Variants in PLEKHH1 observed in about 807,000 individuals in gnomAD.
PLEKHH1 encodes the protein pleckstrin homology domain-containing family H member 1.
In PLEKHH1, 104 loss-of-function variants were observed where a neutral mutation model predicts 160.0. That is an observed-to-expected ratio of 0.65 (90% CI 0.55 to 0.76). PLEKHH1 has a LOEUF of 0.76. Among genes scored for constraint, PLEKHH1 ranks in the 30% least tolerant of loss-of-function variants. PLEKHH1 has a pLI of 0.00. For missense variants in PLEKHH1, 1,427 were observed against 1,724.1 expected, an observed-to-expected ratio of 0.83 and a Z score of 3.05; for synonymous variants, 619 against 678.4, an observed-to-expected ratio of 0.91 and a Z score of 1.36.
intron 1 of PLEKHH1, among the ~76,000 whole-genome samples, chr14:67,536,404 T>TA (rs1398279312): frequency 6.6e-6 from 1 of 151,826 alleles, no homozygotes; most frequent in African/African-American, 2.4e-5. Context: ...AAGATGGTGG[T>TA]AGCCCCTCAC....
At chr14:67,560,978 G>A (rs4902487) in intron 5 of PLEKHH1, among the ~76,000 whole-genome samples, 41,897 of 152,004 alleles carry the variant, frequency 0.28, 5,838 homozygotes, top group Non-Finnish European at 0.3. Context: ...TGATCTGCCC[G>A]CCTCAGCCTC....
At chr14:67,575,117 C>G (rs1332855564) in intron 14 of PLEKHH1, among the ~76,000 whole-genome samples, 1 of 152,170 alleles carries the variant, frequency 6.6e-6, no homozygotes, top group African/African-American at 2.4e-5. Flanking sequence ...CAAGTTCTTC[C>G]TATTTTCATA....
chr14:67,566,783 C>A (rs2035116922), intron 7 of PLEKHH1, among the ~76,000 whole-genome samples: 1 of 149,020 alleles, frequency 6.7e-6, no homozygotes, highest in Admixed American at 6.7e-5. Context: ...TCTTCTCTAT[C>A]TGAACAGGTT....
chr14:67,570,065 C>T, intron 9 of PLEKHH1, 53 bp downstream of exon 9: 1 of 1,220,968 alleles, frequency 8.2e-7, no homozygotes, highest in Non-Finnish European at 1.2e-6. Context: ...GGCCCCTGGC[C>T]TCATCATCCA....
At chr14:67,549,741 T>A (rs1277155658) in intron 2 of PLEKHH1, among the ~76,000 whole-genome samples, 1 of 152,172 alleles carries the variant, frequency 6.6e-6, no homozygotes, top group Non-Finnish European at 1.5e-5. Flanking sequence ...GTCAGCTTTG[T>A]TTTGCATTCT....
Position 67,578,716 on chromosome 14 carries a change from A to C in PLEKHH1, c.2849+85A>C. 1.1e-6 allele frequency: 1 copy of C among 870,108 alleles called. No homozygotes were observed. The highest frequency in any genetic ancestry group is 1.9e-6 in the Non-Finnish European group (1 of 527,270). 53.9% of individuals were successfully genotyped at this position (870,108 alleles called of 1,614,324 possible). ...GAGGGATGAGAGGAGTCTAGGGCAG[A>C]CCAGATCACTCCTGTCCTCTGAAAC... On this transcript the variant is annotated intron_variant, in intron 20 of 28. Transcript: ENST00000329153. This position sits in a 1 kb window ranked among gnomAD's most constrained non-coding sequence, Gnocchi z 5.0.
intron 15 of PLEKHH1, 27 bp downstream of exon 15, chr14:67,575,499 C>T (rs552988910): frequency 7.2e-7 from 1 of 1,396,276 alleles, no homozygotes; most frequent in South Asian, 1.2e-5. Flanking sequence ...TCACAATACC[C>T]ACTCTCCTGC....
Position 67,573,893 on chromosome 14 carries a change from C to T in PLEKHH1, c.1926+6C>T. The T allele has an allele frequency of 1.9e-6, 3 of 1,601,644 alleles. No individual in the cohort carries two copies. Among genetic ancestry groups the T allele is most frequent in the South Asian group, 2.2e-5 (2 of 90,852 alleles). ...AGGGTTCACAGACGTTTCAGGTGAG[C>T]ACGCTCCTGGCTGCTAGTATTTTAA... On this transcript the variant is annotated splice_donor_region_variant and intron_variant, in intron 13 of 28. Transcript: ENST00000329153. This position sits in a 1 kb window ranked among gnomAD's most constrained non-coding sequence, Gnocchi z 4.8.
rs1391431681 is a variant in PLEKHH1 at position 67,579,701 on chromosome 14, G to C, written c.3028-20G>C. 2 of 1,609,086 alleles carry C rather than the reference G, an allele frequency of 1.2e-6. No homozygotes were observed. Among genetic ancestry groups the C allele is most frequent in the African/African-American group, 2.7e-5 (2 of 74,838 alleles). The stretch of plus-strand genomic sequence containing the variant: ...CTCTCAGGAGGTTCACTCAGGGTTG[G>C]AACTCTTCTCCCGCCTCAGGTGGTT... On this transcript the variant is annotated intron_variant, in intron 21 of 28. Transcript: ENST00000329153.
chr14:67,536,862 G>A (rs948932583), intron 1 of PLEKHH1, among the ~76,000 whole-genome samples: 1 of 151,712 alleles, frequency 6.6e-6, no homozygotes, highest in African/African-American at 2.4e-5. Flanking sequence ...CCAACATGGT[G>A]AAACCCTGTC....
rs780090698 is a variant in PLEKHH1 at position 67,562,642 on chromosome 14, G to T, written c.1011G>T (p.Val337=). ...AAAGGCACCACAGCCAGCCCCAGGT[G>T]GGCCATGGGCACTTTGGCCGTGTGG... ...LAKRHHSQPQ[V]GHGHFGRVVN... Residue 337 remains valine, a synonymous_variant, in exon 7 of 29, where the codon GTG becomes GTT. Coordinates refer to ENST00000329153, the MANE Select transcript of PLEKHH1 (RefSeq NM_020715.3). The T allele has an allele frequency of 6.2e-7, 1 of 1,612,986 alleles. No homozygotes were observed. The highest frequency in any genetic ancestry group is 2.2e-5 in the East Asian group (1 of 44,842).
chr14:67,584,270 T>G, intron 26 of PLEKHH1, 146 bp downstream of exon 26: 1 of 748,656 alleles, frequency 1.3e-6, no homozygotes, highest in South Asian at 1.8e-5. Context: ...CTAGTCCAGC[T>G]TTCCACAGTC....
chr14:67,574,989 T>C lies in PLEKHH1; in HGVS notation c.2089-403T>C, dbSNP rs1006996256. Among the ~76,000 whole-genome samples the C allele has an allele frequency of 8.5e-5, 13 of 152,224 alleles. No individual in the cohort carries two copies. Among genetic ancestry groups the C allele is most frequent in the Non-Finnish European group, 1.5e-5 (1 of 68,034 alleles). The stretch of plus-strand genomic sequence containing the variant: ...CTCGTTCAATCTGTTTATGTCATTC[T>C]CCTTCGCCCGTGTGCAGCTTCTGTT... On this transcript the variant is annotated intron_variant, in intron 14 of 28. Transcript: ENST00000329153. This position sits in a 1 kb window ranked among gnomAD's most constrained non-coding sequence, Gnocchi z 4.2.
At chr14:67,542,677 T>C (rs2034017936) in intron 2 of PLEKHH1, among the ~76,000 whole-genome samples, 1 of 141,854 alleles carries the variant, frequency 7.0e-6, no homozygotes, top group African/African-American at 2.9e-5. Context: ...GATAACATTC[T>C]ATTTTATTTT....
At chr14:67,567,638 G>A (rs562481926) in intron 7 of PLEKHH1, among the ~76,000 whole-genome samples, 3 of 152,110 alleles carry the variant, frequency 2.0e-5, no homozygotes, top group South Asian at 2.1e-4. Context: ...TGATCTCAGC[G>A]TCTCATGGCA....
rs185413584 is a variant in PLEKHH1, at chr14:67,579,284, C to T, written c.3000C>T (p.Pro1000=). 2.0e-4 allele frequency: 309 copies of T among 1,564,038 alleles called. 1 individual carries two copies. In the South Asian group the frequency reaches 2.2e-3, roughly 11 times the overall value. The change falls in exon 21 of 29, where the codon CCC becomes CCT. Residue 1000 remains proline (P), a synonymous_variant. Coordinates refer to ENST00000329153, the MANE Select transcript of PLEKHH1 (RefSeq NM_020715.3). ...ACCACTCCTTGCCCTTCAGCATCCC[C>T]GTGCACTTTACCAACGGGACTTACC... ...PFHHSLPFSI[P]VHFTNGTYHV... is the part of the protein sequence containing the mutation.
Position 67,562,187 on chromosome 14 carries a change from G to A in PLEKHH1, c.556G>A (p.Ala186Thr). ...RKLLVPPYGA[A>T]EQDSVPSEPG... ...GCTGCTGGTGCCCCCCTACGGAGCT[G>A]CAGAGCAGGATTCTGTCCCTTCAGA... is the stretch of plus-strand genomic sequence containing the variant. The change falls in exon 7 of 29, where the codon GCA becomes ACA. Residue 186 changes from alanine to threonine, a missense_variant. This residue lies in a region of PLEKHH1 where 831 missense variants were observed against 929.2 expected (regional missense o/e 0.89). Transcript: ENST00000329153. 1.2e-6 allele frequency: 2 copies of A among 1,611,544 alleles called. No homozygotes were observed. Among genetic ancestry groups the A allele is most frequent in the South Asian group, 2.2e-5 (2 of 90,718 alleles).
At chr14:67,583,140 A>T (rs902873074) in intron 24 of PLEKHH1, among the ~76,000 whole-genome samples, 1 of 152,156 alleles carries the variant, frequency 6.6e-6, no homozygotes, top group Non-Finnish European at 1.5e-5. Context: ...AAAGAATAAG[A>T]ATCTGGATTT....
intron 15 of PLEKHH1, 63 bp downstream of exon 15, chr14:67,575,535 T>A (rs578099953): frequency 9.5e-7 from 1 of 1,057,970 alleles, no homozygotes; most frequent in Non-Finnish European, 1.4e-6. Flanking sequence ...TGACTGCCAC[T>A]CTATGTCCTG....
Sources: allele counts gnomAD v4.1 joint callset (sites outside exome capture counted in the v4.1 genomes callset), GRCh38; gene constraint gnomAD v4.1.1; regional missense constraint gnomAD v4.1.1; non-coding constraint Gnocchi (gnomAD v3.1); transcripts MANE v1.5; gene names NCBI Gene and HGNC (gene_info 2026-07-23, HGNC 2026-07-21).